The following PPP1R21 variants were observed in gnomAD, a reference collection of about 807,000 sequenced individuals.
The protein encoded by PPP1R21 is KLRAQ motif containing 1.
PPP1R21 carries 85 observed loss-of-function variants against 112.8 expected under a neutral mutation model. That is an observed-to-expected ratio of 0.75 (90% CI 0.63 to 0.90). The LOEUF is 0.90. PPP1R21 is among the 40% of genes least tolerant of loss of function. The pLI is 0.00. For synonymous variants in PPP1R21, 381 were observed against 322.3 expected, an observed-to-expected ratio of 1.18 and a Z score of -1.95; for missense variants, 1,199 against 901.5, an observed-to-expected ratio of 1.33 and a Z score of -4.23.
chr2:48,463,602 G>C (rs1668073933), intron 7 of PPP1R21, among the ~76,000 whole-genome samples: 1 of 152,050 alleles, frequency 6.6e-6, no homozygotes, highest in African/African-American at 2.4e-5. Context: ...GAAAAGGCTG[G>C]GGACAGGAGT....
intron 16 of PPP1R21, among the ~76,000 whole-genome samples, chr2:48,498,232 A>G (rs988601121): frequency 3.3e-5 from 5 of 150,502 alleles, no homozygotes; most frequent in Middle Eastern, 3.5e-3. Flanking sequence ...TTCTAATTCA[A>G]TTCTGAGTTT....
At chr2:48,511,063 G>A (rs1319151548) in intron 20 of PPP1R21, among the ~76,000 whole-genome samples, 1 of 152,046 alleles carries the variant, frequency 6.6e-6, no homozygotes, top group Non-Finnish European at 1.5e-5. Context: ...GTAAATAGTT[G>A]TACATGTTTG....
At position 48,440,894 on chromosome 2, in the gene PPP1R21, G is replaced by C. The variant is rs1666988722; in HGVS notation, c.-60G>C. 8.0e-6 allele frequency: 10 copies of C among 1,252,280 alleles called. No individual in the cohort carries two copies. Among genetic ancestry groups the C allele is most frequent in the East Asian group, 2.5e-5 (1 of 39,806 alleles). 77.6% of individuals were successfully genotyped at this position (1,252,280 alleles called of 1,614,324 possible). A position where few individuals can be genotyped will look rare whatever the true frequency, so the allele number is the denominator to read the frequency against. On this transcript the variant is annotated 5_prime_UTR_variant, in exon 1 of 22. Transcript: ENST00000294952. The stretch of plus-strand genomic sequence containing the variant: ...CGTTCCCGGGAGCGTGTCTGGGTTT[G>C]GGGGCGGGAGACAGGCTGAGCCGCC...
At chr2:48,512,853 G>A (rs570018705) in intron 21 of PPP1R21, among the ~76,000 whole-genome samples, 2 of 152,250 alleles carry the variant, frequency 1.3e-5, no homozygotes, top group South Asian at 2.1e-4. Flanking sequence ...TTTAAGGAAA[G>A]CCTCCCTTAA....
chr2:48,459,041 G>A (rs1335331141), intron 4 of PPP1R21, among the ~76,000 whole-genome samples: 2 of 144,144 alleles, frequency 1.4e-5, no homozygotes, highest in South Asian at 2.2e-4. Context: ...GCAGTGAGCC[G>A]AGATCAAGCC....
At chr2:48,446,711 A>G (rs982619504) in intron 1 of PPP1R21, among the ~76,000 whole-genome samples, 2 of 152,178 alleles carry the variant, frequency 1.3e-5, no homozygotes, top group Non-Finnish European at 2.9e-5. Context: ...AGTCTTTACC[A>G]TGGAGAACAG....
In PPP1R21 at chr2:48,498,499, C is replaced by G. The variant is rs1220392347; in HGVS notation, c.1699C>G (p.Gln567Glu). 1 of 1,614,026 alleles carries G rather than the reference C, an allele frequency of 6.2e-7. No individual in the cohort carries two copies. The highest frequency in any genetic ancestry group is 8.5e-7 in the Non-Finnish European group (1 of 1,179,942). ...CACTCTGTTACTTTTCAAGGTTCAA[C>G]AGAGTTTGGAAAAGATTTCTAAACT... is the stretch of plus-strand genomic sequence containing the variant. ...SREGLAQQVQ[Q>E]SLEKISKLEQ... The change falls in exon 17 of 22, where the codon CAG (glutamine) becomes GAG (glutamate). Residue 567 changes from glutamine (Q) to glutamate (E), a missense_variant. By Grantham distance (29) the Gln-to-Glu change is conservative. Transcript: ENST00000294952.
chr2:48,512,084 T>G (rs554559178), intron 21 of PPP1R21, among the ~76,000 whole-genome samples: 2 of 152,186 alleles, frequency 1.3e-5, no homozygotes, highest in Non-Finnish European at 2.9e-5. Context: ...TAGGAAAGGA[T>G]TGCTCTTTGT....
chr2:48,511,279 A>G (rs1459954396), intron 20 of PPP1R21, 61 bp from the exon 21 acceptor site: 1 of 1,510,312 alleles, frequency 6.6e-7, no homozygotes, highest in Non-Finnish European at 8.9e-7. Context: ...GTGAATTAAA[A>G]AAGCTTCAGA....
intron 9 of PPP1R21, among the ~76,000 whole-genome samples, chr2:48,466,732 A>G (rs1032986324): frequency 1.3e-5 from 2 of 152,192 alleles, no homozygotes; most frequent in African/African-American, 2.4e-5. Context: ...AGAGAATGAC[A>G]TGAACAAAAT....
chr2:48,514,907 A>T lies in PPP1R21; in HGVS notation c.*163A>T. ...GAAACGGCCTTGAAATATTTAAAAC[A>T]TATTTGTAACCAGTGAGGCAAATAC... is the stretch of plus-strand genomic sequence containing the variant. On this transcript the variant is annotated 3_prime_UTR_variant, in exon 22 of 22. Transcript: ENST00000294952. 1 of 626,896 alleles carries T rather than the reference A, an allele frequency of 1.6e-6. No individual in the cohort carries two copies. Among genetic ancestry groups the T allele is most frequent in the Non-Finnish European group, 2.8e-6 (1 of 362,696 alleles). The allele number at this position is 626,896 out of a possible 1,614,324, so 38.8% of individuals were successfully genotyped here. A position where few individuals can be genotyped will look rare whatever the true frequency, so the allele number is the denominator to read the frequency against.
At chr2:48,481,685 TG>T (rs1398564932) in intron 13 of PPP1R21, among the ~76,000 whole-genome samples, 1 of 152,090 alleles carries the variant, frequency 6.6e-6, no homozygotes, top group Non-Finnish European at 1.5e-5. Flanking sequence ...GAGACTAGCC[TG>T]GGCAACATAG....
intron 2 of PPP1R21, among the ~76,000 whole-genome samples, chr2:48,453,040 G>T (rs1036015532): frequency 6.7e-6 from 1 of 149,724 alleles, no homozygotes; most frequent in African/African-American, 2.5e-5. Flanking sequence ...TGCAACCTCT[G>T]CCTCCCTGGT....
At chr2:48,507,095 G>A (rs974402582) in intron 18 of PPP1R21, 174 bp from the exon 19 acceptor site, 1 of 860,208 alleles carries the variant, frequency 1.2e-6, no homozygotes, top group African/African-American at 1.8e-5. Context: ...AAGAAATTTG[G>A]AATATACACT....
At chr2:48,460,746 C>G (rs1667941648) in intron 6 of PPP1R21, among the ~76,000 whole-genome samples, 1 of 150,708 alleles carries the variant, frequency 6.6e-6, no homozygotes, top group Non-Finnish European at 1.5e-5. Flanking sequence ...GAAAAGAAGG[C>G]TAATACAGTA....
chr2:48,453,994 C>T (rs1286508422), intron 2 of PPP1R21, among the ~76,000 whole-genome samples: 2 of 152,018 alleles, frequency 1.3e-5, no homozygotes, highest in African/African-American at 2.4e-5. Context: ...CATGGTGGCT[C>T]ATGCCTGTAA....
intron 12 of PPP1R21, 54 bp downstream of exon 12, chr2:48,474,873 G>C: frequency 6.6e-7 from 1 of 1,510,388 alleles, no homozygotes; most frequent in Non-Finnish European, 9.0e-7. Context: ...AGTACAAGAA[G>C]CTGGAAAAGG....
chr2:48,446,893 T>C (rs11681187), intron 1 of PPP1R21, among the ~76,000 whole-genome samples: 23,018 of 151,948 alleles, frequency 0.15, 1,860 homozygotes, highest in Admixed American at 0.21. Flanking sequence ...TGGGATTACA[T>C]GCGCCTGCCA....
intron 17 of PPP1R21, among the ~76,000 whole-genome samples, chr2:48,503,248 C>T (rs534600240): frequency 2.6e-5 from 4 of 152,164 alleles, no homozygotes; most frequent in Admixed American, 6.5e-5. Flanking sequence ...CCAATGTTAT[C>T]GTTTTTTTCT....
Sources: gnomAD v4.1 joint callset for allele counts (sites outside exome capture counted in the v4.1 genomes callset) on GRCh38, gnomAD v4.1.1 for gene constraint, MANE v1.5 for transcripts, NCBI Gene and HGNC (gene_info 2026-07-23, HGNC 2026-07-21) for gene names.